The following ACBD7 variants were observed in gnomAD, a reference collection of about 807,000 sequenced individuals.
ACBD7 encodes acyl-CoA binding domain containing 7.
ACBD7 carries 11 observed loss-of-function variants against 13.7 expected under a neutral mutation model. The observed-to-expected ratio is 0.80, with a 90% CI of 0.50 to 1.33. The LOEUF is 1.33. ACBD7 is among the 40% of genes most tolerant of loss of function. ACBD7 has a pLI of 0.00. For synonymous variants in ACBD7, 43 were observed against 37.7 expected, an observed-to-expected ratio of 1.14 and a Z score of -0.51; for missense variants, 111 against 103.0, an observed-to-expected ratio of 1.08 and a Z score of -0.33.
At position 15,076,273 on chromosome 10, in the gene ACBD7, C is replaced by G. The variant is rs1172863925; in HGVS notation, c.*2257G>C. ...CATGAGACTGTCTTCTTTCAAAGAG[C>G]CTGTGTACCATCCAGAAAGACTGAG... On this transcript the variant is annotated 3_prime_UTR_variant, in exon 4 of 4. Coordinates refer to ENST00000356189, the MANE Select transcript of ACBD7 (RefSeq NM_001039844.3). The G allele has an allele frequency of 1.0e-6, 1 of 985,108 alleles. No individual in the cohort carries two copies. Among genetic ancestry groups the G allele is most frequent in the Non-Finnish European group, 1.2e-6 (1 of 829,908 alleles). The allele number at this position is 985,108 out of a possible 1,614,324, so 61.0% of individuals were successfully genotyped here. A position where few individuals can be genotyped will look rare whatever the true frequency, so the allele number is the denominator to read the frequency against.
chr10:15,078,304 GTA>G lies in ACBD7; in HGVS notation c.*224_*225del. ...TTATGGCTCCATAGTATTCCATGGT[GTA>G]TATGTGCCACATTTTCTTAAAAAGA... On this transcript the variant is annotated 3_prime_UTR_variant, in exon 4 of 4. Transcript: ENST00000356189. The G allele has an allele frequency of 1.5e-6, 2 of 1,360,410 alleles. No homozygotes were observed. Among genetic ancestry groups the G allele is most frequent in the Non-Finnish European group, 1.9e-6 (2 of 1,049,486 alleles). 84.3% of individuals were successfully genotyped at this position (1,360,410 alleles called of 1,614,324 possible). A position where few individuals can be genotyped will look rare whatever the true frequency, so the allele number is the denominator to read the frequency against.
chr10:15,081,178 G>A (rs375451204), intron 1 of ACBD7, among the ~76,000 whole-genome samples: 7 of 151,916 alleles, frequency 4.6e-5, no homozygotes, highest in East Asian at 1.9e-4. Context: ...AGTGGTTAAC[G>A]TTAAATACTA....
At chr10:15,088,583 G>T (rs1052684356) in intron 1 of ACBD7, 134 bp downstream of exon 1, 118 of 1,244,700 alleles carry the variant, frequency 9.5e-5, no homozygotes, top group Non-Finnish European at 1.2e-4. Context: ...CATCTGGGGC[G>T]CTGGGGAAGG....
At chr10:15,078,789 C>G in intron 2 of ACBD7, 36 bp from the exon 3 acceptor site, 2 of 1,606,500 alleles carry the variant, frequency 1.2e-6, no homozygotes, top group Non-Finnish European at 1.7e-6. Flanking sequence ...TGCAGGTTAA[C>G]ATTTTACTGT....
intron 1 of ACBD7, among the ~76,000 whole-genome samples, chr10:15,087,077 G>A (rs1340012249): frequency 1.3e-5 from 2 of 151,816 alleles, no homozygotes; most frequent in Non-Finnish European, 2.9e-5. Flanking sequence ...CTACTTGGGA[G>A]GCTGAAGTGG....
At chr10:15,086,674 GAGATC>G in intron 1 of ACBD7, among the ~76,000 whole-genome samples, 1 of 151,932 alleles carries the variant, frequency 6.6e-6, no homozygotes, top group South Asian at 2.1e-4. Context: ...TCAGGAGTTG[GAGATC>G]AGCCTGGGCA....
chr10:15,084,131 C>T (rs948343114), intron 1 of ACBD7, among the ~76,000 whole-genome samples: 1 of 152,234 alleles, frequency 6.6e-6, no homozygotes, highest in African/African-American at 2.4e-5. Context: ...GGGAAAGCTG[C>T]TCCCAGCGGT....
At chr10:15,084,277 G>A (rs929524927) in intron 1 of ACBD7, among the ~76,000 whole-genome samples, 1 of 152,204 alleles carries the variant, frequency 6.6e-6, no homozygotes, top group Non-Finnish European at 1.5e-5. Context: ...GGTGGGTGGC[G>A]TGAGCCTGGT....
chr10:15,076,255 C>A lies in ACBD7; in HGVS notation c.*2275G>T. Reference sequence around the variant, plus strand: ...AATTTTTTGAATTGTTAACATGAGACTGTCTTCTTTCAAAGAGCCTGTGTA... The same window carrying A: ...AATTTTTTGAATTGTTAACATGAGAATGTCTTCTTTCAAAGAGCCTGTGTA... On this transcript the variant is annotated 3_prime_UTR_variant, in exon 4 of 4. Coordinates refer to ENST00000356189, the MANE Select transcript of ACBD7 (RefSeq NM_001039844.3). 3 of 985,322 alleles carry A rather than the reference C, an allele frequency of 3.0e-6. No individual in the cohort carries two copies. Among genetic ancestry groups the A allele is most frequent in the Non-Finnish European group, 3.6e-6 (3 of 829,918 alleles). The allele number at this position is 985,322 out of a possible 1,614,324, so 61.0% of individuals were successfully genotyped here.
rs1164487113 is a variant in ACBD7, at chr10:15,075,830, T to C, written c.*2700A>G. Among the ~76,000 whole-genome samples, 1 of 151,758 alleles carries C rather than the reference T, an allele frequency of 6.6e-6. No individual in the cohort carries two copies. Among genetic ancestry groups the C allele is most frequent in the Non-Finnish European group, 1.5e-5 (1 of 67,922 alleles). ...CTCTATGAAAAATACAAAAATTAGC[T>C]GGGCATGGTTGCACGCACCTGTAGT... On this transcript the variant is annotated 3_prime_UTR_variant, in exon 4 of 4. Transcript: ENST00000356189.
intron 1 of ACBD7, among the ~76,000 whole-genome samples, chr10:15,082,034 TCCCAGC>T (rs1265631687): frequency 6.6e-6 from 1 of 152,164 alleles, no homozygotes; most frequent in Admixed American, 6.5e-5. Flanking sequence ...ACACCTGTAA[TCCCAGC>T]ACTTTGGGAG....
rs1045964278 is a variant in ACBD7, at chr10:15,076,669, A to G, written c.*1861T>C. 8 of 687,688 alleles carry G rather than the reference A, an allele frequency of 1.2e-5. No homozygotes were observed. Among genetic ancestry groups the G allele is most frequent in the African/African-American group, 2.0e-5 (1 of 51,126 alleles). The allele number at this position is 687,688 out of a possible 1,614,324, so 42.6% of individuals were successfully genotyped here. A position where few individuals can be genotyped will look rare whatever the true frequency, so the allele number is the denominator to read the frequency against. ...AGGTGTGCACCACCAATGGCTGGCTAATTTTTGTATTTTTAGTAGAGATGG... is the reference window on the plus strand; with the variant it reads ...AGGTGTGCACCACCAATGGCTGGCTGATTTTTGTATTTTTAGTAGAGATGG... On this transcript the variant is annotated 3_prime_UTR_variant, in exon 4 of 4. Transcript: ENST00000356189.
At chr10:15,083,911 G>A (rs1844777905) in intron 1 of ACBD7, among the ~76,000 whole-genome samples, 1 of 152,246 alleles carries the variant, frequency 6.6e-6, no homozygotes, top group Middle Eastern at 3.2e-3. Context: ...CCAGGCAGAT[G>A]GGCATGCACA....
intron 1 of ACBD7, among the ~76,000 whole-genome samples, chr10:15,085,973 G>T (rs566329196): frequency 1.3e-5 from 2 of 152,288 alleles, no homozygotes; most frequent in African/African-American, 4.8e-5. Context: ...AAAGACAGAA[G>T]AGATTTCAAT....
chr10:15,078,885 T>G (rs1231578465), intron 2 of ACBD7, 38 bp downstream of exon 2: 7 of 1,207,698 alleles, frequency 5.8e-6, no homozygotes, highest in Non-Finnish European at 7.7e-6. Context: ...ATATTAATTG[T>G]AACATATGAA....
chr10:15,084,787 G>T (rs1224839345), intron 1 of ACBD7, among the ~76,000 whole-genome samples: 1 of 152,174 alleles, frequency 6.6e-6, no homozygotes, highest in Non-Finnish European at 1.5e-5. Context: ...AGTTACAAAG[G>T]TACATTCCTG....
At position 15,078,475 on chromosome 10, in the gene ACBD7, G is replaced by T. The variant is rs1589259230; in HGVS notation, c.*55C>A. 6.2e-7 allele frequency: 1 copy of T among 1,611,754 alleles called. No individual in the cohort carries two copies. Among genetic ancestry groups the T allele is most frequent in the East Asian group, 2.2e-5 (1 of 44,870 alleles). On this transcript the variant is annotated 3_prime_UTR_variant, in exon 4 of 4. Coordinates refer to ENST00000356189, the MANE Select transcript of ACBD7 (RefSeq NM_001039844.3). Reference sequence around the variant, plus strand: ...AGTATGCCTCTCCCTCTAAATGTTAGGTCATGATAGCATTTGGAAGTCTTC... The same window carrying T: ...AGTATGCCTCTCCCTCTAAATGTTATGTCATGATAGCATTTGGAAGTCTTC...
intron 1 of ACBD7, among the ~76,000 whole-genome samples, chr10:15,087,535 G>A (rs1195717330): frequency 6.6e-6 from 1 of 150,468 alleles, no homozygotes; most frequent in African/African-American, 2.4e-5. Context: ...CCAGCACTTT[G>A]GGTGTCCAAG....
intron 2 of ACBD7, 27 bp downstream of exon 2, chr10:15,078,896 T>C (rs1844715120): frequency 8.1e-7 from 1 of 1,230,522 alleles, no homozygotes; most frequent in Non-Finnish European, 1.1e-6. Flanking sequence ...AACATATGAA[T>C]ATATTAATAT....
Sources: gnomAD v4.1 joint callset for allele counts (sites outside exome capture counted in the v4.1 genomes callset) on GRCh38, gnomAD v4.1.1 for gene constraint, MANE v1.5 for transcripts, NCBI Gene and HGNC (gene_info 2026-07-23, HGNC 2026-07-21) for gene names.